Variants in RIC1 observed in about 807,000 individuals in gnomAD.
The protein encoded by RIC1 is RIC1 partner of RAB6A GEF complex.
A neutral mutation model predicts 169.0 loss-of-function variants in RIC1; 88 were observed. That is an observed-to-expected ratio of 0.52 (90% confidence interval 0.44 to 0.62). The LOEUF (loss-of-function observed/expected upper bound fraction) is 0.62. Among genes scored for constraint, RIC1 ranks in the 20% least tolerant of loss-of-function variants. The pLI is 0.00. For synonymous variants in RIC1, 790 were observed against 601.5 expected (o/e 1.31, Z -4.59); for missense variants, 1,877 against 1,725.5 (o/e 1.09, Z -1.56).
At chr9:5,660,100 G>T (rs1819358716) in intron 2 of RIC1, among the ~76,000 whole-genome samples, 1 of 152,076 alleles carries the variant, frequency 6.6e-6, no homozygotes, top group South Asian at 2.1e-4. Flanking sequence ...GTGAAAACAT[G>T]TGGTATTTGA....
rs111746115 is a variant in RIC1, at chr9:5,687,530, T to G, written c.253-2429T>G. 1.4e-3 allele frequency among the ~76,000 whole-genome samples: 208 copies of G among 152,286 alleles called. 2 individuals are homozygous for G. The highest frequency in any genetic ancestry group is 4.8e-3 in the African/African-American group (200 of 41,574). On this transcript the variant is annotated intron_variant, in intron 2 of 25. Coordinates refer to ENST00000414202, the MANE Select transcript of RIC1 (RefSeq NM_020829.4). ...TGCTTTAGCAGCATCCCACAAATTTTGGGATGATGTATTTTTAAAATTTCC... is the reference window on the plus strand; with the variant it reads ...TGCTTTAGCAGCATCCCACAAATTTGGGGATGATGTATTTTTAAAATTTCC...
intron 3 of RIC1, among the ~76,000 whole-genome samples, chr9:5,694,756 T>C (rs1311125124): frequency 6.6e-6 from 1 of 151,026 alleles, no homozygotes. Context: ...TGTCTCAATG[T>C]GTGATAATAT....
At position 5,772,846 on chromosome 9, in the gene RIC1, A is replaced by G. The variant is rs143909065; in HGVS notation, c.3795-46A>G. 8.2e-5 allele frequency: 130 copies of G among 1,576,352 alleles called. 1 individual carries two copies. The Middle Eastern group carries it at 8.5e-4, about 10-fold the overall frequency. On this transcript the variant is annotated intron_variant, in intron 24 of 25. Coordinates refer to ENST00000414202, the MANE Select transcript of RIC1 (RefSeq NM_020829.4). ...TAATCATTGCACTTCTGTACATCTT[A>G]TAGATCTTTCTTAGCATAAATCATT...
At chr9:5,722,447 T>A (rs1478964849) in intron 6 of RIC1, among the ~76,000 whole-genome samples, 1 of 151,306 alleles carries the variant, frequency 6.6e-6, no homozygotes, top group Non-Finnish European at 1.5e-5. Flanking sequence ...GTTCATAGCC[T>A]CCATGCACAT....
chr9:5,659,647 T>C (rs985558629), intron 2 of RIC1, among the ~76,000 whole-genome samples: 3 of 152,216 alleles, frequency 2.0e-5, no homozygotes, highest in Non-Finnish European at 2.9e-5. Context: ...CCTATGAACA[T>C]GCAATGTCTT....
At position 5,761,823 on chromosome 9, in the gene RIC1, T is replaced by C. The variant is rs144517581; in HGVS notation, c.1993-718T>C. ...GTTTAAGTTGCGTGATAGGGCTCAATTGGAAATCATTATACTAGGCTCTCT... is the reference window on the plus strand; with the variant it reads ...GTTTAAGTTGCGTGATAGGGCTCAACTGGAAATCATTATACTAGGCTCTCT... On this transcript the variant is annotated intron_variant, in intron 17 of 25. Transcript: ENST00000414202. Among the ~76,000 whole-genome samples the C allele has an allele frequency of 3.2e-4, 48 of 152,352 alleles. 1 individual carries two copies. In the East Asian group the frequency reaches 8.7e-3, roughly 27 times the overall value.
chr9:5,720,705 T>C lies in RIC1; in HGVS notation c.675T>C (p.Gly225=), dbSNP rs1373215113. 2.5e-6 allele frequency: 4 copies of C among 1,612,428 alleles called. No homozygotes were observed. Among genetic ancestry groups the C allele is most frequent in the Non-Finnish European group, 2.5e-6 (3 of 1,179,100 alleles). ...GGTTTGCTGTTGTATTTAATGATGG[T>C]AAAGTTGGATTTATTACACCAGTGT... ...LDGFAVVFND[G]KVGFITPVSS... Residue 225 remains glycine, a synonymous_variant, in exon 6 of 26, where the codon GGT becomes GGC. Coordinates refer to ENST00000414202, the MANE Select transcript of RIC1 (RefSeq NM_020829.4).
chr9:5,631,114 C>A (rs1342332564), intron 1 of RIC1, among the ~76,000 whole-genome samples: 1 of 152,160 alleles, frequency 6.6e-6, no homozygotes, highest in Non-Finnish European at 1.5e-5. Flanking sequence ...GAAGCATAAA[C>A]ATATGCTTTA....
At chr9:5,686,994 G>A (rs949967223) in intron 2 of RIC1, among the ~76,000 whole-genome samples, 1 of 152,154 alleles carries the variant, frequency 6.6e-6, no homozygotes, top group African/African-American at 2.4e-5. Context: ...TTTGTGGAAA[G>A]GATTTGAATT....
intron 1 of RIC1, among the ~76,000 whole-genome samples, chr9:5,646,373 C>G (rs77806277): frequency 2.0e-5 from 3 of 152,050 alleles, no homozygotes; most frequent in African/African-American, 7.2e-5. Flanking sequence ...TTGAGATGTT[C>G]CTGTCAACAG....
At chr9:5,748,971 CAT>C (rs1825554490) in intron 12 of RIC1, among the ~76,000 whole-genome samples, 1 of 152,122 alleles carries the variant, frequency 6.6e-6, no homozygotes, top group African/African-American at 2.4e-5. Flanking sequence ...TTAAAAATAA[CAT>C]AAATAATGCC....
chr9:5,634,665 G>C (rs1817883331), intron 1 of RIC1, among the ~76,000 whole-genome samples: 1 of 151,986 alleles, frequency 6.6e-6, no homozygotes, highest in African/African-American at 2.4e-5. Context: ...TATTCCATAG[G>C]TTGCTTTTTT....
intron 3 of RIC1, among the ~76,000 whole-genome samples, chr9:5,699,491 A>G (rs532053217): frequency 9.1e-5 from 13 of 142,218 alleles, no homozygotes; most frequent in African/African-American, 2.5e-4. Flanking sequence ...ATTTATTTCA[A>G]TGTCTTTTTT....
chr9:5,748,014 ATTAT>A (rs1825490788), intron 12 of RIC1, among the ~76,000 whole-genome samples: 2 of 152,138 alleles, frequency 1.3e-5, no homozygotes, highest in Admixed American at 6.6e-5. Context: ...CTTATTCCAA[ATTAT>A]TTATTCATTC....
chr9:5,720,635 C>G lies in RIC1; in HGVS notation c.605C>G (p.Thr202Arg), dbSNP rs149713037. The G allele has an allele frequency of 2.5e-6, 4 of 1,603,982 alleles. No individual in the cohort carries two copies. In the African/African-American group the frequency reaches 5.4e-5, roughly 22 times the overall value. Residue 202 changes from threonine to arginine, a missense_variant, in exon 6 of 26, where the codon ACA becomes AGA. Thr to Arg is a moderately conservative substitution (Grantham distance 71, BLOSUM62 -1). Coordinates refer to ENST00000414202, the MANE Select transcript of RIC1 (RefSeq NM_020829.4). ...SSRVGSFLGF[T>R]DVHIRDMEYC... ...TCAGTAGGTTCATTCCTGGGCTTCACAGACGTACACATCAGAGACATGGAA... is the reference window on the plus strand; with the variant it reads ...TCAGTAGGTTCATTCCTGGGCTTCAGAGACGTACACATCAGAGACATGGAA...
intron 4 of RIC1, among the ~76,000 whole-genome samples, chr9:5,715,007 A>G (rs892413471): frequency 2.5e-4 from 38 of 152,170 alleles, no homozygotes; most frequent in Non-Finnish European, 5.9e-5. Context: ...AAACATTAAA[A>G]CTATGCAAGT....
intron 2 of RIC1, among the ~76,000 whole-genome samples, chr9:5,658,546 C>G (rs1181895393): frequency 6.6e-6 from 1 of 151,858 alleles, no homozygotes; most frequent in African/African-American, 2.4e-5. Flanking sequence ...CAGAACAATT[C>G]CAGATGAAAA....
chr9:5,726,950 T>A (rs1229397179), intron 6 of RIC1, among the ~76,000 whole-genome samples: 1 of 152,240 alleles, frequency 6.6e-6, no homozygotes, highest in Non-Finnish European at 1.5e-5. Context: ...CTTCCCTTTG[T>A]GGGTAACCCG....
intron 17 of RIC1, among the ~76,000 whole-genome samples, chr9:5,761,421 G>T (rs1826334303): frequency 6.6e-6 from 1 of 152,048 alleles, no homozygotes; most frequent in Non-Finnish European, 1.5e-5. Context: ...GCCTGGCCCA[G>T]CCTCACCTTT....
Sources: gnomAD v4.1 joint callset for allele counts (sites outside exome capture counted in the v4.1 genomes callset) on GRCh38, gnomAD v4.1.1 for gene constraint, MANE v1.5 for transcripts, NCBI Gene and HGNC (gene_info 2026-07-23, HGNC 2026-07-21) for gene names.